The following MAOB variants were observed in gnomAD, a reference collection of about 807,000 sequenced individuals.
MAOB encodes monoamine oxidase B, also known as amine oxidase [flavin-containing] B.
MAOB carries 15 observed loss-of-function variants against 41.9 expected under a neutral mutation model. That is an observed-to-expected ratio of 0.36 (90% CI 0.24 to 0.55). MAOB has a LOEUF of 0.55. Ranked by LOEUF, MAOB falls within the 20% of genes least tolerant of loss-of-function variation. MAOB has a pLI of 0.86. For synonymous variants in MAOB, 167 were observed against 144.2 expected, an observed-to-expected ratio of 1.16 and a Z score of -1.13; for missense variants, 345 against 398.7, an observed-to-expected ratio of 0.87 and a Z score of 1.15.
At chrX:43,801,031 T>C (rs1279515688) in intron 5 of MAOB, among the ~76,000 whole-genome samples, 2 of 110,187 alleles carry the variant, frequency 1.8e-5, no homozygotes, top group East Asian at 5.8e-4. Flanking sequence ...TATTGGGCTT[T>C]CAGATCCTCC....
At chrX:43,819,129 C>G (rs2034852864) in intron 3 of MAOB, among the ~76,000 whole-genome samples, 1 of 111,831 alleles carries the variant, frequency 8.9e-6, no homozygotes, top group Non-Finnish European at 1.9e-5. Context: ...TGGCGTGGAA[C>G]TACTAAAGAG....
intron 3 of MAOB, among the ~76,000 whole-genome samples, chrX:43,805,490 G>T (rs1395360541): frequency 9.0e-6 from 1 of 111,361 alleles, no homozygotes; most frequent in Non-Finnish European, 1.9e-5. Context: ...CCACTGTTCA[G>T]TTTTCTGTCA....
chrX:43,854,284 T>A (rs900163545), intron 1 of MAOB, among the ~76,000 whole-genome samples: 1 of 112,175 alleles, frequency 8.9e-6, no homozygotes, highest in Non-Finnish European at 1.9e-5. Context: ...CACTGATAGA[T>A]TGGATAAAGA....
chrX:43,795,231 G>C (rs181789362), intron 7 of MAOB, among the ~76,000 whole-genome samples: 21 of 111,560 alleles, frequency 1.9e-4, no homozygotes. Flanking sequence ...TGATTGATTT[G>C]CTACAGTGGC....
At chrX:43,826,798 C>G (rs1173447653) in intron 3 of MAOB, among the ~76,000 whole-genome samples, 1 of 111,455 alleles carries the variant, frequency 9.0e-6, no homozygotes, top group Non-Finnish European at 1.9e-5. Flanking sequence ...CCTGCAATAA[C>G]AGCAACAATT....
chrX:43,783,489 C>T (rs139983878), intron 8 of MAOB, among the ~76,000 whole-genome samples: 62 of 112,372 alleles, frequency 5.5e-4, no homozygotes, highest in African/African-American at 1.7e-3. Flanking sequence ...AATTGTGTCA[C>T]GTAAATTGCT....
At chrX:43,769,744 C>A (rs1490529596) in intron 12 of MAOB, among the ~76,000 whole-genome samples, 1 of 111,659 alleles carries the variant, frequency 9.0e-6, no homozygotes, top group East Asian at 2.8e-4. Flanking sequence ...TTATGGCTCA[C>A]TGGCTCTGTG....
chrX:43,809,903 A>T (rs1199230767), intron 3 of MAOB, among the ~76,000 whole-genome samples: 1 of 111,720 alleles, frequency 9.0e-6, no homozygotes, highest in Non-Finnish European at 1.9e-5. Context: ...AATATAGCTC[A>T]GATAAGTTTA....
chrX:43,800,980 AT>A (rs1353011784), intron 5 of MAOB, among the ~76,000 whole-genome samples: 26 of 110,536 alleles, frequency 2.4e-4, no homozygotes, highest in Non-Finnish European at 4.0e-4. Flanking sequence ...CAAGTACTCA[AT>A]TTTTTAGATG....
chrX:43,851,411 A>G (rs1323813817), intron 1 of MAOB, among the ~76,000 whole-genome samples: 1 of 111,480 alleles, frequency 9.0e-6, no homozygotes, highest in Non-Finnish European at 1.9e-5. Flanking sequence ...ACACAGGCAT[A>G]CAATGTGTAA....
chrX:43,828,893 T>C (rs1228835111), intron 3 of MAOB, among the ~76,000 whole-genome samples: 1 of 112,176 alleles, frequency 8.9e-6, no homozygotes, highest in African/African-American at 3.2e-5. Flanking sequence ...AGATAATGCA[T>C]ATAAACTGCT....
At chrX:43,853,514 A>G (rs1348232613) in intron 1 of MAOB, among the ~76,000 whole-genome samples, 1 of 111,201 alleles carries the variant, frequency 9.0e-6, no homozygotes, top group Non-Finnish European at 1.9e-5. Flanking sequence ...TTGTGAAATG[A>G]ATTGAGTATG....
Position 43,769,901 on chromosome X carries a change from A to T in MAOB, c.1236-483T>A, listed in dbSNP as rs142278057. ...AGACCCTTTCAATCAGTAACATTTA[A>T]CAAATCTGAGAGTCTGACTATGGCT... On this transcript the variant is annotated intron_variant, in intron 12 of 14. Transcript: ENST00000378069. Among the ~76,000 whole-genome samples, 905 of 111,874 alleles carry T rather than the reference A, an allele frequency of 8.1e-3. 7 individuals carry two copies. The highest frequency in any genetic ancestry group is 0.012 in the Non-Finnish European group (641 of 53,143).
At chrX:43,857,104 TATATATATATATAGAGAGAGAGAG>T (rs1303018274) in intron 1 of MAOB, among the ~76,000 whole-genome samples, 12 of 24,060 alleles carry the variant, frequency 5.0e-4, no homozygotes, top group Admixed American at 2.7e-3. Flanking sequence ...TATATATATA[TATATATATATATAGAGAGAGAGAG>T]AGAGAGAGAG....
intron 8 of MAOB, 132 bp from the exon 9 acceptor site, chrX:43,781,676 T>C (rs184635396): frequency 2.8e-6 from 1 of 351,861 alleles, no homozygotes; most frequent in African/African-American, 2.7e-5. Context: ...TCCAAACATA[T>C]GAAGGCAAAC....
At chrX:43,849,846 G>A (rs1443493664) in intron 1 of MAOB, among the ~76,000 whole-genome samples, 3 of 112,600 alleles carry the variant, frequency 2.7e-5, no homozygotes, top group Admixed American at 9.4e-5. Context: ...ATCAGTGTCT[G>A]TATAAGTATT....
At chrX:43,817,067 T>C (rs1470465164) in intron 3 of MAOB, among the ~76,000 whole-genome samples, 2 of 108,978 alleles carry the variant, frequency 1.8e-5, no homozygotes, top group Non-Finnish European at 3.8e-5. Flanking sequence ...CCTCCTCCTT[T>C]TCTCTCTCTC....
rs1428070464 is a variant in MAOB, at chrX:43,857,106, TATATATATATAGAGAGAGAGAGAGAGAG to T, written c.47-13370_47-13343del. ...TTAAATATATATATATATATATATA[TATATATATATAGAGAGAGAGAGAGAGAG>T]AGAGAGAGAGAGAGAGAGAGAGAGA... On this transcript the variant is annotated intron_variant, in intron 1 of 14. Coordinates refer to ENST00000378069, the MANE Select transcript of MAOB (RefSeq NM_000898.5). Among the ~76,000 whole-genome samples, 82 of 24,453 alleles carry T rather than the reference TATATATATATAGAGAGAGAGAGAGAGAG, an allele frequency of 3.4e-3. 1 individual carries two copies. Among genetic ancestry groups the T allele is most frequent in the South Asian group, 0.012 (3 of 244 alleles). The allele number at this position is 24,453 out of a possible 115,157, so 21.2% of individuals were successfully genotyped here.
intron 1 of MAOB, among the ~76,000 whole-genome samples, chrX:43,849,485 A>G (rs1245456000): frequency 8.9e-6 from 1 of 112,737 alleles, no homozygotes. Context: ...AAGAAGGCAC[A>G]CACTCCTGGC....
Sources: allele counts gnomAD v4.1 joint callset (sites outside exome capture counted in the v4.1 genomes callset), GRCh38; gene constraint gnomAD v4.1.1; transcripts MANE v1.5; gene names NCBI Gene and HGNC (gene_info 2026-07-23, HGNC 2026-07-21).